PCDH15: variants seen among roughly 807,000 people sequenced by gnomAD.
PCDH15 encodes protocadherin related 15, also known as protocadherin-15.
PCDH15 carries 129 observed loss-of-function variants against 178.5 expected under a neutral mutation model. The observed-to-expected ratio is 0.72, with a 90% CI of 0.63 to 0.84. PCDH15 has a LOEUF of 0.84. PCDH15 is among the 40% of genes least tolerant of loss of function. The pLI, the probability that PCDH15 is intolerant of heterozygous loss-of-function variation, is 0.00. For synonymous variants in PCDH15, 800 were observed against 732.0 expected (o/e 1.09, Z -1.50); for missense variants, 2,230 against 2,099.9 (o/e 1.06, Z -1.21).
chr10:54,535,945 A>T (rs528608876), intron 2 of PCDH15, among the ~76,000 whole-genome samples: 1 of 152,294 alleles, frequency 6.6e-6, no homozygotes, highest in South Asian at 2.1e-4. Flanking sequence ...TATAATTCAT[A>T]CCACATGAGT....
At chr10:54,152,153 A>C (rs2044604516) in intron 14 of PCDH15, among the ~76,000 whole-genome samples, 2 of 152,308 alleles carry the variant, frequency 1.3e-5, no homozygotes, top group South Asian at 4.1e-4. Flanking sequence ...ACTAAGATAC[A>C]TCTCAAATAC....
rs1947047019 is a variant in PCDH15, at chr10:54,756,056, A to ACAC, written c.-29+44868_-29+44869insGTG. The stretch of plus-strand genomic sequence containing the variant: ...TGGTGAAACCCCCGTCTCTACTAAA[A>ACAC]ACACACACACACACACACACACACA... On this transcript the variant is annotated intron_variant, in intron 1 of 37. Coordinates refer to ENST00000644397, the MANE Select transcript of PCDH15 (RefSeq NM_001384140.1). Among the ~76,000 whole-genome samples the ACAC allele has an allele frequency of 9.0e-3, 648 of 71,740 alleles. 14 individuals are homozygous for ACAC. The highest frequency in any genetic ancestry group is 0.07 in the Middle Eastern group (6 of 86). The allele number at this position is 71,740 out of a possible 152,430, so 47.1% of individuals were successfully genotyped here. A position where few individuals can be genotyped will look rare whatever the true frequency, so the allele number is the denominator to read the frequency against.
At chr10:55,397,586 T>C (rs1837960703) in intron 2 of PCDH15, among the ~76,000 whole-genome samples, 2 of 152,142 alleles carry the variant, frequency 1.3e-5, no homozygotes, top group African/African-American at 2.4e-5. Context: ...CTCCTGTATA[T>C]TGCCTTTTAT....
intron 14 of PCDH15, among the ~76,000 whole-genome samples, chr10:54,151,242 T>C (rs1590808825): frequency 6.7e-6 from 1 of 150,200 alleles, no homozygotes; most frequent in African/African-American, 2.5e-5. Context: ...GAAATGAAAG[T>C]AAAGAAAGAA....
At chr10:54,409,500 G>A (rs181517292) in intron 3 of PCDH15, among the ~76,000 whole-genome samples, 176 of 152,024 alleles carry the variant, frequency 1.2e-3, no homozygotes, top group African/African-American at 3.8e-3. Flanking sequence ...TCTTTCCCCA[G>A]GGACATATGA....
intron 2 of PCDH15, among the ~76,000 whole-genome samples, chr10:55,143,202 CT>C (rs11293437): frequency 0.75 from 113,037 of 151,076 alleles, 42,691 homozygotes; most frequent in African/African-American, 0.81. Context: ...TCAATTAAAC[CT>C]TTTTTTTTTT....
intron 1 of PCDH15, among the ~76,000 whole-genome samples, chr10:54,735,575 A>G (rs538101566): frequency 7.0e-6 from 1 of 143,834 alleles, no homozygotes; most frequent in African/African-American, 2.6e-5. Flanking sequence ...ACGTATGTTT[A>G]TTGCGGCATT....
intron 25 of PCDH15, among the ~76,000 whole-genome samples, chr10:53,934,704 A>G (rs2085409143): frequency 6.6e-6 from 1 of 152,136 alleles, no homozygotes; most frequent in Admixed American, 6.5e-5. Flanking sequence ...CCATTTCTAC[A>G]TGCTTTAATG....
chr10:54,003,080 G>A (rs1390754758), intron 20 of PCDH15, among the ~76,000 whole-genome samples: 1 of 152,066 alleles, frequency 6.6e-6, no homozygotes, highest in Non-Finnish European at 1.5e-5. Context: ...AAAAACTCTT[G>A]ATTCAATAGG....
intron 2 of PCDH15, among the ~76,000 whole-genome samples, chr10:54,928,743 T>C (rs1462945766): frequency 6.6e-6 from 1 of 152,208 alleles, no homozygotes; most frequent in Non-Finnish European, 1.5e-5. Context: ...GATTGTATTA[T>C]AAAATTCTTG....
intron 3 of PCDH15, among the ~76,000 whole-genome samples, chr10:54,844,041 T>A (rs1458655412): frequency 6.6e-6 from 1 of 152,014 alleles, no homozygotes; most frequent in East Asian, 1.9e-4. Context: ...TATATTTCAG[T>A]GTTATCCTAC....
chr10:54,886,596 T>C (rs1180753326), intron 3 of PCDH15, among the ~76,000 whole-genome samples: 2 of 152,172 alleles, frequency 1.3e-5, no homozygotes, highest in Non-Finnish European at 2.9e-5. Flanking sequence ...ACCACATCTC[T>C]ACCGAAAATA....
intron 8 of PCDH15, among the ~76,000 whole-genome samples, chr10:54,240,881 T>A (rs2055212571): frequency 6.6e-6 from 1 of 152,048 alleles, no homozygotes; most frequent in Admixed American, 6.6e-5. Context: ...TTCACCCGCC[T>A]TGGCCTCCCA....
rs540463537 is a variant in PCDH15 at position 55,382,859 on chromosome 10, A to G, written c.-155-216208T>C. Among the ~76,000 whole-genome samples, 7 of 152,334 alleles carry G rather than the reference A, an allele frequency of 4.6e-5. No homozygotes were observed. In the East Asian group the frequency reaches 7.8e-4, roughly 17 times the overall value. ...ACCCCTTGTGGGAGGAGGAGCACTC[A>G]GGCAAGTGGATGCCAGGGCTAGGGC... On this transcript the variant is annotated intron_variant, in intron 2 of 5. Transcript: ENST00000613346.
At chr10:54,738,182 G>T (rs926337507) in intron 1 of PCDH15, among the ~76,000 whole-genome samples, 3 of 151,996 alleles carry the variant, frequency 2.0e-5, no homozygotes, top group African/African-American at 7.2e-5. Context: ...GAGAAATTTG[G>T]GTTTTACTCA....
chr10:55,233,507 G>T (rs192429450), intron 1 of PCDH15, among the ~76,000 whole-genome samples: 1 of 152,006 alleles, frequency 6.6e-6, no homozygotes, highest in East Asian at 1.9e-4. Flanking sequence ...TCTCTTTTTT[G>T]CATAGACATG....
intron 18 of PCDH15, among the ~76,000 whole-genome samples, chr10:54,046,736 C>G (rs1565115124): frequency 6.6e-6 from 1 of 152,104 alleles, no homozygotes; most frequent in African/African-American, 2.4e-5. Flanking sequence ...TTTGGACTTA[C>G]ATTTATGTTT....
intron 2 of PCDH15, among the ~76,000 whole-genome samples, chr10:54,967,020 G>T (rs1034017605): frequency 3.3e-5 from 5 of 152,106 alleles, no homozygotes; most frequent in African/African-American, 1.2e-4. Context: ...CATGAGTGCA[G>T]GCTGCAGGAC....
chr10:55,349,100 A>T (rs1844840161), intron 2 of PCDH15, among the ~76,000 whole-genome samples: 1 of 152,104 alleles, frequency 6.6e-6, no homozygotes, highest in Non-Finnish European at 1.5e-5. Context: ...TCTATTGAGA[A>T]TGATGCATTC....
Sources: allele counts gnomAD v4.1 joint callset (sites outside exome capture counted in the v4.1 genomes callset), GRCh38; gene constraint gnomAD v4.1.1; transcripts MANE v1.5; gene names NCBI Gene and HGNC (gene_info 2026-07-23, HGNC 2026-07-21).